Variants in ATG7 observed in about 807,000 individuals in gnomAD.
ATG7 encodes the protein ubiquitin-like modifier-activating enzyme ATG7.
Under a neutral mutation model 82.4 loss-of-function variants are expected in ATG7, and 70 were observed. The observed-to-expected ratio is 0.85, with a 90% confidence interval of 0.70 to 1.04. The LOEUF (loss-of-function observed/expected upper bound fraction) is 1.04, where lower values mean the gene tolerates loss of function less well. Ranked by LOEUF, ATG7 falls within the 50% of genes least tolerant of loss-of-function variation. The probability of loss-of-function intolerance (pLI) is 0.00; values close to 1 mark genes in which losing one functional copy is unlikely to be tolerated. For missense variants in ATG7, 792 were observed against 864.3 expected, an observed-to-expected ratio of 0.92 and a Z score of 1.05; for synonymous variants, 287 against 313.0, an observed-to-expected ratio of 0.92 and a Z score of 0.88.
intron 20 of ATG7, among the ~76,000 whole-genome samples, chr3:11,430,469 T>C (rs576765446): frequency 4.5e-4 from 68 of 152,328 alleles, no homozygotes; most frequent in South Asian, 1.7e-3. Flanking sequence ...TTATTTATTT[T>C]AGCAACACAA....
chr3:11,378,420 C>G (rs904547773), intron 18 of ATG7, among the ~76,000 whole-genome samples: 3 of 151,148 alleles, frequency 2.0e-5, no homozygotes, highest in South Asian at 4.2e-4. Flanking sequence ...CGGTGGCTCA[C>G]GCCCGTAACC....
chr3:11,504,325 AATAG>A (rs1404055592), intron 20 of ATG7, among the ~76,000 whole-genome samples: 1 of 152,254 alleles, frequency 6.6e-6, no homozygotes, highest in Non-Finnish European at 1.5e-5. Context: ...ATGAACATAG[AATAG>A]ATACTTTCAG....
rs141117221 is a variant in ATG7, at chr3:11,493,022, A to G, written c.2080-61789A>G. 3.1e-3 allele frequency among the ~76,000 whole-genome samples: 471 copies of G among 152,374 alleles called. 5 individuals are homozygous for G. The highest frequency in any genetic ancestry group is 0.011 in the African/African-American group (447 of 41,586). Reference sequence around the variant, plus strand: ...AGATGCCCTCCACCAGCAAGGGCAAAGGGCCAGTGTGACAGCCTTTTTGGG... The same window carrying G: ...AGATGCCCTCCACCAGCAAGGGCAAGGGGCCAGTGTGACAGCCTTTTTGGG... On this transcript the variant is annotated intron_variant, in intron 20 of 20. Coordinates refer to ENST00000693202, the MANE Select transcript of ATG7 (RefSeq NM_001349232.2).
At chr3:11,486,167 C>T (rs1280444251) in intron 20 of ATG7, among the ~76,000 whole-genome samples, 2 of 152,164 alleles carry the variant, frequency 1.3e-5, no homozygotes, top group African/African-American at 2.4e-5. Context: ...ATTCTTCCTA[C>T]CCATGAGGAT....
chr3:11,347,145 AT>A (rs370117541), intron 13 of ATG7, among the ~76,000 whole-genome samples: 109 of 152,316 alleles, frequency 7.2e-4, no homozygotes, highest in African/African-American at 2.6e-3. Context: ...CATTCCCACC[AT>A]TAACCAGATG....
intron 12 of ATG7, 30 bp from the exon 13 acceptor site, chr3:11,342,105 G>T: frequency 1.3e-6 from 2 of 1,594,742 alleles, no homozygotes; most frequent in South Asian, 2.3e-5. Context: ...ATAAAGGAGT[G>T]ACTGAATAAG....
At chr3:11,374,548 G>C (rs1575810454) in intron 18 of ATG7, among the ~76,000 whole-genome samples, 1 of 152,084 alleles carries the variant, frequency 6.6e-6, no homozygotes, top group African/African-American at 2.4e-5. Context: ...GATACCAAAA[G>C]ACCAAGCAAT....
At chr3:11,568,726 G>A in the ATG7 span, 20 of 1,542,152 alleles carry the variant, frequency 1.3e-5, no homozygotes, top group South Asian at 4.8e-5. This position sits in a 1 kb window ranked among gnomAD's most constrained non-coding sequence, Gnocchi z 5.9. Flanking sequence ...TCCCGGGGAC[G>A]GCAGAAAACC....
intron 20 of ATG7, among the ~76,000 whole-genome samples, chr3:11,525,737 G>T (rs2092563586): frequency 6.6e-6 from 1 of 151,666 alleles, no homozygotes; most frequent in Non-Finnish European, 1.5e-5. Flanking sequence ...TGTATTTTTA[G>T]TAGAGACGGG....
the ATG7 span, among the ~76,000 whole-genome samples, chr3:11,566,720 T>G: frequency 6.6e-6 from 1 of 152,130 alleles, no homozygotes; most frequent in East Asian, 1.9e-4. Context: ...AGCTGCAGTG[T>G]AGAATCCCAA....
In ATG7 at chr3:11,395,650, G is replaced by A. The variant is rs145612843; in HGVS notation, c.1956+15598G>A. On this transcript the variant is annotated intron_variant, in intron 19 of 20. Coordinates refer to ENST00000693202, the MANE Select transcript of ATG7 (RefSeq NM_001349232.2). ...AAACCCAGCAGATAATACCGTTCAA[G>A]AATGAAAGGGCTGGGTGCAGTGGCT... 5.8e-4 allele frequency among the ~76,000 whole-genome samples: 89 copies of A among 152,274 alleles called. 1 individual carries two copies. Among genetic ancestry groups the A allele is most frequent in the African/African-American group, 2.1e-3 (87 of 41,552 alleles).
At chr3:11,302,078 C>T (rs1473796275) in intron 5 of ATG7, among the ~76,000 whole-genome samples, 1 of 152,196 alleles carries the variant, frequency 6.6e-6, no homozygotes, top group Non-Finnish European at 1.5e-5. Flanking sequence ...GTTGAATACC[C>T]TCAGTGTGCA....
At chr3:11,387,258 G>C (rs150651298) in intron 19 of ATG7, among the ~76,000 whole-genome samples, 1 of 152,194 alleles carries the variant, frequency 6.6e-6, no homozygotes, top group African/African-American at 2.4e-5. Context: ...GAAACCTTCC[G>C]TTCATGTCTC....
intron 20 of ATG7, among the ~76,000 whole-genome samples, chr3:11,499,761 AAAG>A (rs2091180538): frequency 2.6e-5 from 4 of 151,782 alleles, no homozygotes; most frequent in African/African-American, 4.8e-5. Flanking sequence ...AAAAAAAAAA[AAAG>A]AAACAAAAAA....
At chr3:11,404,470 A>G (rs1339318487) in intron 19 of ATG7, among the ~76,000 whole-genome samples, 2 of 151,744 alleles carry the variant, frequency 1.3e-5, no homozygotes, top group Non-Finnish European at 2.9e-5. Flanking sequence ...TTCAATGCTC[A>G]GCCAAGCCAT....
chr3:11,373,160 TACGTTATGACTA>T (rs1303048846), intron 18 of ATG7, among the ~76,000 whole-genome samples: 1 of 145,422 alleles, frequency 6.9e-6, no homozygotes, highest in Admixed American at 6.9e-5. Flanking sequence ...GTGTGAGACT[TACGTTATGACTA>T]ACTCCAAAAG....
At chr3:11,337,828 T>C (rs1226284369) in intron 11 of ATG7, among the ~76,000 whole-genome samples, 1 of 152,092 alleles carries the variant, frequency 6.6e-6, no homozygotes, top group Non-Finnish European at 1.5e-5. Context: ...TAATTTGAAA[T>C]TATGTCTTAT....
chr3:11,547,561 G>T (rs759882834), intron 20 of ATG7, among the ~76,000 whole-genome samples: 4 of 152,194 alleles, frequency 2.6e-5, no homozygotes, highest in Non-Finnish European at 5.9e-5. Context: ...GTACCATATG[G>T]TAACTGTGTT....
chr3:11,379,495 T>C (rs972822544), intron 18 of ATG7, among the ~76,000 whole-genome samples: 4 of 152,222 alleles, frequency 2.6e-5, no homozygotes, highest in Non-Finnish European at 4.4e-5. Flanking sequence ...ACTGGATATA[T>C]GTCTAGGGCC....
Sources: allele counts gnomAD v4.1 joint callset (sites outside exome capture counted in the v4.1 genomes callset), GRCh38; gene constraint gnomAD v4.1.1; non-coding constraint Gnocchi (gnomAD v3.1); transcripts MANE v1.5; gene names NCBI Gene and HGNC (gene_info 2026-07-23, HGNC 2026-07-21).